GPR137B: variants seen among roughly 807,000 people sequenced by gnomAD.
The protein encoded by GPR137B is integral membrane protein GPR137B.
In GPR137B, 42 loss-of-function variants were observed where a neutral mutation model predicts 42.5. That is an observed-to-expected ratio of 0.99 (90% CI 0.77 to 1.28). GPR137B has a LOEUF of 1.28. Ranked by LOEUF, GPR137B falls within the 50% of genes most tolerant of loss-of-function variation. GPR137B has a pLI of 0.00. For synonymous variants in GPR137B, 218 were observed against 209.7 expected, an observed-to-expected ratio of 1.04 and a Z score of -0.34; for missense variants, 487 against 493.9, an observed-to-expected ratio of 0.99 and a Z score of 0.13.
intron 2 of GPR137B, among the ~76,000 whole-genome samples, chr1:236,172,009 A>G (rs1478890609): frequency 2.0e-5 from 3 of 151,396 alleles, no homozygotes; most frequent in African/African-American, 7.3e-5. Context: ...ATTGCACTCC[A>G]GCCTGGGCAA....
intron 5 of GPR137B, among the ~76,000 whole-genome samples, chr1:236,201,550 T>A (rs1336810289): frequency 2.0e-5 from 3 of 152,056 alleles, no homozygotes; most frequent in Non-Finnish European, 4.4e-5. Context: ...TACTTGATTC[T>A]ATTGTTGAAA....
chr1:236,160,006 C>A (rs980346347), intron 1 of GPR137B, among the ~76,000 whole-genome samples: 8 of 152,190 alleles, frequency 5.3e-5, no homozygotes, highest in African/African-American at 1.9e-4. Flanking sequence ...GCCAGCATCA[C>A]CCACAGCGTC....
At position 236,185,896 on chromosome 1, in the gene GPR137B, C is replaced by T. The variant is rs371285954; in HGVS notation, c.966+1990C>T. Among the ~76,000 whole-genome samples the T allele has an allele frequency of 3.3e-5, 5 of 151,926 alleles. No homozygotes were observed. The East Asian group carries it at 7.7e-4, about 24-fold the overall frequency. On this transcript the variant is annotated intron_variant, in intron 5 of 6. Transcript: ENST00000366592. ...CACTTTCATCATCTCAAAAGGAAACCCCATACTATCATCTGTCATTCCCCA... is the reference window on the plus strand; with the variant it reads ...CACTTTCATCATCTCAAAAGGAAACTCCATACTATCATCTGTCATTCCCCA...
At chr1:236,198,088 G>A (rs1394584480) in intron 5 of GPR137B, among the ~76,000 whole-genome samples, 1 of 152,158 alleles carries the variant, frequency 6.6e-6, no homozygotes, top group Non-Finnish European at 1.5e-5. Flanking sequence ...ATAGTTGGAA[G>A]CTGGGTAATG....
intron 5 of GPR137B, among the ~76,000 whole-genome samples, chr1:236,184,179 C>A (rs9660529): frequency 0.1 from 15,896 of 152,176 alleles, 2,460 homozygotes; most frequent in African/African-American, 0.34. Context: ...TTTTAATGCA[C>A]CATTGCCTCA....
At chr1:236,154,445 G>A (rs981976522) in intron 1 of GPR137B, among the ~76,000 whole-genome samples, 7 of 152,018 alleles carry the variant, frequency 4.6e-5, no homozygotes, top group Non-Finnish European at 1.0e-4. Flanking sequence ...CTGGAGGAAC[G>A]TGGGTGTGTC....
intron 3 of GPR137B, 70 bp from the exon 4 acceptor site, chr1:236,179,809 G>T (rs998892066): frequency 8.6e-6 from 10 of 1,165,702 alleles, no homozygotes; most frequent in Non-Finnish European, 1.1e-5. Context: ...CTGATAGCAG[G>T]TGGGGGCTGG....
intron 5 of GPR137B, among the ~76,000 whole-genome samples, chr1:236,202,901 T>C (rs1205280374): frequency 6.6e-6 from 1 of 152,160 alleles, no homozygotes; most frequent in East Asian, 1.9e-4. Context: ...TGAGAGATAG[T>C]GGTCTAGTTT....
Position 236,142,755 on chromosome 1 carries a change from C to T in GPR137B, c.133C>T (p.Leu45Phe). The change falls in exon 1 of 7, where the codon CTC becomes TTC. Residue 45 changes from leucine to phenylalanine, a missense_variant. Transcript: ENST00000366592. ...CGTGCCCCCCTACGTGAAGCTTGGCCTCACCGTCGTCTACACCGTGTTCTA... is the reference window on the plus strand; with the variant it reads ...CGTGCCCCCCTACGTGAAGCTTGGCTTCACCGTCGTCTACACCGTGTTCTA... ...PAVPPYVKLGLTVVYTVFYAL... is the reference protein window; with the variant it reads ...PAVPPYVKLGFTVVYTVFYAL... The T allele has an allele frequency of 3.1e-6, 5 of 1,609,640 alleles. No homozygotes were observed. In the South Asian group the frequency reaches 4.4e-5, roughly 14 times the overall value.
intron 5 of GPR137B, among the ~76,000 whole-genome samples, chr1:236,189,765 G>A (rs1227285538): frequency 1.3e-5 from 2 of 152,180 alleles, no homozygotes; most frequent in Non-Finnish European, 2.9e-5. Flanking sequence ...ATGAGATGAC[G>A]TGCTGAGAAG....
Position 236,208,836 on chromosome 1 carries a change from C to T in GPR137B, c.*678C>T, listed in dbSNP as rs1420444133. On this transcript the variant is annotated 3_prime_UTR_variant, in exon 7 of 7. Transcript: ENST00000366592. ...TTTCAGTAGGGCGCTAATGTATACA[C>T]ATTAATGATAAGTTGATAACATTAA... The T allele has an allele frequency of 4.1e-6, 4 of 981,950 alleles. No homozygotes were observed. In the African/African-American group the frequency reaches 7.0e-5, roughly 17 times the overall value. 60.8% of individuals were successfully genotyped at this position (981,950 alleles called of 1,614,324 possible).
chr1:236,168,202 A>T (rs1305846821), intron 1 of GPR137B, among the ~76,000 whole-genome samples: 1 of 152,088 alleles, frequency 6.6e-6, no homozygotes, highest in Non-Finnish European at 1.5e-5. Flanking sequence ...TGAGGTGGGC[A>T]GATCACCTGA....
chr1:236,168,931 G>C (rs1662442851), intron 2 of GPR137B, among the ~76,000 whole-genome samples, 176 bp downstream of exon 2: 1 of 152,182 alleles, frequency 6.6e-6, no homozygotes, highest in African/African-American at 2.4e-5. Context: ...TAAGGGTCAG[G>C]TCATCAGATC....
At chr1:236,164,127 A>C (rs1310410062) in intron 1 of GPR137B, among the ~76,000 whole-genome samples, 1 of 151,960 alleles carries the variant, frequency 6.6e-6, no homozygotes, top group African/African-American at 2.4e-5. Flanking sequence ...TATTACTGAC[A>C]TGTCTGTCTG....
At chr1:236,144,002 C>T (rs1266546453) in intron 1 of GPR137B, among the ~76,000 whole-genome samples, 1 of 151,924 alleles carries the variant, frequency 6.6e-6, no homozygotes, top group East Asian at 1.9e-4. Context: ...AAGGCGTCAA[C>T]GGTGTCACCT....
Position 236,171,322 on chromosome 1 carries a change from C to T in GPR137B, c.464+2567C>T, listed in dbSNP as rs1412340171. On this transcript the variant is annotated intron_variant, in intron 2 of 6. Coordinates refer to ENST00000366592, the MANE Select transcript of GPR137B (RefSeq NM_003272.4). The surrounding 1 kb of genome is among the most constrained non-coding windows in gnomAD (Gnocchi z 4.4). The stretch of plus-strand genomic sequence containing the variant: ...CAAGTAGACAGTTCCCTCTCTTCTC[C>T]AGTAACAAGATAGTAGCCTCTCCTC... Among the ~76,000 whole-genome samples, 1 of 152,142 alleles carries T rather than the reference C, an allele frequency of 6.6e-6. No individual in the cohort carries two copies. Among genetic ancestry groups the T allele is most frequent in the African/African-American group, 2.4e-5 (1 of 41,416 alleles).
chr1:236,162,594 C>T (rs1662232564), intron 1 of GPR137B, among the ~76,000 whole-genome samples: 1 of 152,232 alleles, frequency 6.6e-6, no homozygotes, highest in Non-Finnish European at 1.5e-5. Flanking sequence ...CTGTGTGCAG[C>T]CTAGGGACTT....
At chr1:236,151,548 C>G (rs1340716138) in intron 1 of GPR137B, among the ~76,000 whole-genome samples, 1 of 151,490 alleles carries the variant, frequency 6.6e-6, no homozygotes, top group Non-Finnish European at 1.5e-5. Flanking sequence ...CACAGCCTCC[C>G]GAGTAGCTGG....
intron 5 of GPR137B, among the ~76,000 whole-genome samples, chr1:236,185,949 A>G (rs926320167): frequency 6.6e-6 from 1 of 151,500 alleles, no homozygotes. Context: ...CCCTACCCCC[A>G]GGCATAAGCC....
Sources: gnomAD v4.1 joint callset for allele counts (sites outside exome capture counted in the v4.1 genomes callset) on GRCh38, gnomAD v4.1.1 for gene constraint, Gnocchi (gnomAD v3.1) non-coding constraint, MANE v1.5 for transcripts, NCBI Gene and HGNC (gene_info 2026-07-23, HGNC 2026-07-21) for gene names.